The following WASL variants were observed in gnomAD, a reference collection of about 807,000 sequenced individuals.
WASL encodes the protein actin nucleation-promoting factor WASL.
Under a neutral mutation model 55.5 loss-of-function variants are expected in WASL, and 20 were observed. The ratio of observed to expected loss-of-function variants is 0.36; its 90% CI spans 0.25 to 0.52. The LOEUF (loss-of-function observed/expected upper bound fraction) is 0.52. Among genes scored for constraint, WASL ranks in the 20% least tolerant of loss-of-function variants. The pLI, the probability that WASL is intolerant of heterozygous loss-of-function variation, is 0.92. For missense variants in WASL, 504 were observed against 622.5 expected (o/e 0.81, Z 2.03); for synonymous variants, 249 against 217.6 (o/e 1.14, Z -1.27).
In WASL at chr7:123,692,410, T is replaced by C. The variant is rs1200544734; in HGVS notation, c.1284A>G (p.Pro428=). The C allele has an allele frequency of 1.2e-6, 2 of 1,614,114 alleles. No homozygotes were observed. Among genetic ancestry groups the C allele is most frequent in the Non-Finnish European group, 1.7e-6 (2 of 1,180,026 alleles). Residue 428 remains proline, a synonymous_variant, in exon 9 of 11, where the codon CCA becomes CCG. Transcript: ENST00000223023. ...QLKKVEQNSR[P]VSCSGRDALL... Reference sequence around the variant, plus strand: ...GTGCATCTCGTCCAGAGCAGGACACTGGCCGACTGTTCTGCTCCACTTTTT... The same window carrying C: ...GTGCATCTCGTCCAGAGCAGGACACCGGCCGACTGTTCTGCTCCACTTTTT...
chr7:123,729,968 T>C (rs540092978), intron 1 of WASL, among the ~76,000 whole-genome samples: 3 of 152,126 alleles, frequency 2.0e-5, no homozygotes, highest in Non-Finnish European at 4.4e-5. Flanking sequence ...GGAGGAATTT[T>C]CTCTCCAGTG....
At chr7:123,691,227 C>T (rs771151496) in intron 9 of WASL, among the ~76,000 whole-genome samples, 4 of 152,090 alleles carry the variant, frequency 2.6e-5, no homozygotes, top group Non-Finnish European at 5.9e-5. Context: ...TCTGTCGTCT[C>T]CATTTACTTC....
chr7:123,743,002 T>G (rs958168216), intron 1 of WASL, among the ~76,000 whole-genome samples: 1 of 152,160 alleles, frequency 6.6e-6, no homozygotes, highest in Non-Finnish European at 1.5e-5. Flanking sequence ...GGAGTTATCT[T>G]GTCTGACCCT....
intron 10 of WASL, 50 bp from the exon 11 acceptor site, chr7:123,684,630 T>G: frequency 1.4e-6 from 2 of 1,477,410 alleles, no homozygotes; most frequent in Non-Finnish European, 9.1e-7. Flanking sequence ...AAAATGACAT[T>G]ACATAATTCT....
At chr7:123,747,772 A>C (rs1174961493) in intron 1 of WASL, among the ~76,000 whole-genome samples, 1 of 152,170 alleles carries the variant, frequency 6.6e-6, no homozygotes, top group Non-Finnish European at 1.5e-5. Flanking sequence ...AATTGCCAGC[A>C]GCCAATGTAA....
intron 1 of WASL, among the ~76,000 whole-genome samples, chr7:123,743,115 T>A (rs942487775): frequency 3.9e-5 from 6 of 152,052 alleles, no homozygotes; most frequent in Non-Finnish European, 7.4e-5. Context: ...AGCGGACAGA[T>A]CACCTGAGGT....
At chr7:123,739,979 A>G (rs1804308714) in intron 1 of WASL, among the ~76,000 whole-genome samples, 1 of 151,208 alleles carries the variant, frequency 6.6e-6, no homozygotes, top group African/African-American at 2.4e-5. Flanking sequence ...TGTCTTCTTC[A>G]GCTATACAGT....
intron 5 of WASL, among the ~76,000 whole-genome samples, chr7:123,696,990 T>C (rs374430463): frequency 1.3e-5 from 2 of 152,208 alleles, no homozygotes; most frequent in Admixed American, 1.3e-4. Context: ...TTAAATTTCA[T>C]AAAGAATATG....
intron 1 of WASL, among the ~76,000 whole-genome samples, chr7:123,711,481 CTTA>C (rs1348002930): frequency 1.3e-5 from 2 of 152,152 alleles, no homozygotes; most frequent in Admixed American, 1.3e-4. Context: ...TTGCTACACT[CTTA>C]TTATCAGTCT....
chr7:123,728,627 G>GTC (rs1191549772), intron 1 of WASL, among the ~76,000 whole-genome samples: 2 of 152,088 alleles, frequency 1.3e-5, no homozygotes, highest in Non-Finnish European at 2.9e-5. Context: ...AGATCACGAG[G>GTC]TCAGGAGTTC....
intron 5 of WASL, among the ~76,000 whole-genome samples, 191 bp from the exon 6 acceptor site, chr7:123,696,938 T>G (rs141646310): frequency 1.9e-3 from 288 of 151,870 alleles, no homozygotes; most frequent in African/African-American, 6.6e-3. Flanking sequence ...TTGAAATGAG[T>G]GTAGATGCAC....
At chr7:123,730,204 T>C (rs1584871300) in intron 1 of WASL, among the ~76,000 whole-genome samples, 2 of 152,222 alleles carry the variant, frequency 1.3e-5, no homozygotes, top group Middle Eastern at 3.4e-3. Context: ...TAGCAAAAAA[T>C]GTTTAAAGTT....
intron 2 of WASL, among the ~76,000 whole-genome samples, chr7:123,707,798 C>T (rs190504045): frequency 2.0e-5 from 3 of 152,236 alleles, no homozygotes; most frequent in East Asian, 1.9e-4. Context: ...AGAATCACTG[C>T]CATAGTTAGC....
chr7:123,693,013 A>G (rs1208593434), intron 8 of WASL, 146 bp from the exon 9 acceptor site: 1 of 1,111,866 alleles, frequency 9.0e-7, no homozygotes, highest in Non-Finnish European at 1.2e-6. Flanking sequence ...AAGATACCTG[A>G]GCACAGATGA....
chr7:123,717,151 T>C (rs1384656592), intron 1 of WASL, among the ~76,000 whole-genome samples: 2 of 151,998 alleles, frequency 1.3e-5, no homozygotes, highest in Non-Finnish European at 2.9e-5. Context: ...GGAGAGTTTG[T>C]GGTAGTGGTT....
intron 1 of WASL, among the ~76,000 whole-genome samples, chr7:123,725,306 C>T (rs893808653): frequency 6.6e-6 from 1 of 152,106 alleles, no homozygotes; most frequent in African/African-American, 2.4e-5. Flanking sequence ...ATTAAGTATG[C>T]TCATCACTAC....
rs772822525 is a variant in WASL, at chr7:123,684,500, T to C, written c.*19A>G. ...TAGTATTTCACCTTAAAAATATATATATATATATAATATATAGATCAGTCT... is the reference window on the plus strand; with the variant it reads ...TAGTATTTCACCTTAAAAATATATACATATATATAATATATAGATCAGTCT... On this transcript the variant is annotated 3_prime_UTR_variant, in exon 11 of 11. Transcript: ENST00000223023. 1 of 585,002 alleles carries C rather than the reference T, an allele frequency of 1.7e-6. No homozygotes were observed. Among genetic ancestry groups the C allele is most frequent in the South Asian group, 4.4e-5 (1 of 22,674 alleles). 36.2% of individuals were successfully genotyped at this position (585,002 alleles called of 1,614,324 possible). A position where few individuals can be genotyped will look rare whatever the true frequency, so the allele number is the denominator to read the frequency against.
Position 123,695,853 on chromosome 7 carries a change from A to G in WASL, c.642T>C (p.His214=). 1.2e-6 allele frequency: 2 copies of G among 1,612,728 alleles called. No individual in the cohort carries two copies. The highest frequency in any genetic ancestry group is 1.1e-5 in the South Asian group (1 of 91,012). ...AGCCTGTATTTGGATCCCAACCAAC[A>G]TGTCCAATGTGCCTGAAGTAGAAAA... The part of the protein sequence containing the change: ...GTPSNFQHIG[H]VGWDPNTGFD... Residue 214 remains histidine (H), a synonymous_variant, in exon 7 of 11, where the codon CAT becomes CAC. Transcript: ENST00000223023.
intron 1 of WASL, 83 bp downstream of exon 1, chr7:123,748,535 C>G (rs540769946): frequency 5.6e-5 from 83 of 1,486,402 alleles, no homozygotes; most frequent in Non-Finnish European, 7.7e-5. Context: ...CTCCCGCCTC[C>G]TTCCCCACTC....
Sources: gnomAD v4.1 joint callset for allele counts (sites outside exome capture counted in the v4.1 genomes callset) on GRCh38, gnomAD v4.1.1 for gene constraint, MANE v1.5 for transcripts, NCBI Gene and HGNC (gene_info 2026-07-23, HGNC 2026-07-21) for gene names.